Variants in PPP2R2B observed in about 807,000 individuals in gnomAD.
PPP2R2B encodes serine/threonine-protein phosphatase 2A 55 kDa regulatory subunit B beta isoform.
PPP2R2B carries 5 observed loss-of-function variants against 46.0 expected under a neutral mutation model. The observed-to-expected ratio is 0.11, with a 90% CI of 0.06 to 0.23. The LOEUF (loss-of-function observed/expected upper bound fraction) is 0.23, where lower values mean the gene tolerates loss of function less well. Ranked by LOEUF, PPP2R2B falls within the 10% of genes least tolerant of loss-of-function variation. The pLI, the probability that PPP2R2B is intolerant of heterozygous loss-of-function variation, is 1.00. For missense variants in PPP2R2B, 367 were observed against 575.0 expected, an observed-to-expected ratio of 0.64 and a Z score of 3.70; for synonymous variants, 215 against 206.7, an observed-to-expected ratio of 1.04 and a Z score of -0.34.
At chr5:147,051,806 A>AGGCT (rs1756839402) in intron 1 of PPP2R2B, among the ~76,000 whole-genome samples, 1 of 115,364 alleles carries the variant, frequency 8.7e-6, no homozygotes, top group Non-Finnish European at 1.6e-5. Context: ...TCTATCGCCC[A>AGGCT]GGCTGGAGTG....
At position 146,877,984 on chromosome 5, in the gene PPP2R2B, C is replaced by A. The variant is rs140457350; in HGVS notation, c.70+18G>T. On this transcript the variant is annotated intron_variant, in intron 2 of 9. Coordinates refer to ENST00000394411, the MANE Select transcript of PPP2R2B (RefSeq NM_181675.4). Reference sequence around the variant, plus strand: ...TGCGCCCGGCCCCAACGGCGGAATGCGGCGGGGCTGGCGTTACCTTCGGTC... The same window carrying A: ...TGCGCCCGGCCCCAACGGCGGAATGAGGCGGGGCTGGCGTTACCTTCGGTC... 5 of 1,604,318 alleles carry A rather than the reference C, an allele frequency of 3.1e-6. No individual in the cohort carries two copies. The highest frequency in any genetic ancestry group is 4.3e-6 in the Non-Finnish European group (5 of 1,173,788).
At chr5:146,619,702 C>A (rs567456104) in intron 7 of PPP2R2B, among the ~76,000 whole-genome samples, 71 of 152,320 alleles carry the variant, frequency 4.7e-4, no homozygotes, top group African/African-American at 1.7e-3. Context: ...TAACTCCCTG[C>A]AGTGATGATG....
intron 5 of PPP2R2B, among the ~76,000 whole-genome samples, chr5:146,682,821 G>A (rs546930528): frequency 2.3e-4 from 35 of 152,294 alleles, no homozygotes; most frequent in Admixed American, 4.6e-4. Context: ...CATCATGGAT[G>A]CTCATTCTAA....
intron 1 of PPP2R2B, among the ~76,000 whole-genome samples, chr5:147,001,015 G>A (rs996266430): frequency 1.3e-5 from 2 of 152,134 alleles, no homozygotes; most frequent in African/African-American, 2.4e-5. Flanking sequence ...AGCTGGCTGG[G>A]CTTCTGGGTC....
At chr5:147,066,786 T>C (rs972601848) in intron 2 of PPP2R2B, among the ~76,000 whole-genome samples, 1 of 151,950 alleles carries the variant, frequency 6.6e-6, no homozygotes, top group Non-Finnish European at 1.5e-5. Flanking sequence ...CCATGAGAAG[T>C]TGGGAAATGT....
chr5:147,079,371 ATAAT>A (rs1725692054), intron 2 of PPP2R2B, among the ~76,000 whole-genome samples: 1 of 147,834 alleles, frequency 6.8e-6, no homozygotes, highest in Admixed American at 6.8e-5. Flanking sequence ...ATATATATAT[ATAAT>A]ATGTGATATA....
At chr5:146,772,947 G>A (rs191808956) in intron 2 of PPP2R2B, among the ~76,000 whole-genome samples, 1 of 152,312 alleles carries the variant, frequency 6.6e-6, no homozygotes, top group East Asian at 1.9e-4. Flanking sequence ...TCCTCTGCCT[G>A]TAAAGGACAA....
chr5:146,718,404 G>A (rs1384962917), intron 2 of PPP2R2B, among the ~76,000 whole-genome samples: 2 of 151,542 alleles, frequency 1.3e-5, no homozygotes, highest in Non-Finnish European at 1.5e-5. Flanking sequence ...AAAAAAGTAC[G>A]GTTTCCTAGA....
intron 5 of PPP2R2B, among the ~76,000 whole-genome samples, chr5:146,677,148 A>G (rs571897006): frequency 1.3e-4 from 20 of 152,364 alleles, no homozygotes; most frequent in African/African-American, 4.6e-4. Flanking sequence ...TTAAAAATTC[A>G]AGCTTTCAGA....
chr5:146,839,015 C>T (rs1361597608), intron 2 of PPP2R2B, among the ~76,000 whole-genome samples: 1 of 152,180 alleles, frequency 6.6e-6, no homozygotes, highest in African/African-American at 2.4e-5. Flanking sequence ...ATAGGCTGAA[C>T]ACTAGAAAAT....
intron 2 of PPP2R2B, among the ~76,000 whole-genome samples, chr5:146,715,579 T>A (rs1780451513): frequency 6.6e-6 from 1 of 152,200 alleles, no homozygotes; most frequent in Non-Finnish European, 1.5e-5. Context: ...TTATATCACT[T>A]AATTGTCACT....
chr5:146,893,585 T>C (rs1454944372), intron 1 of PPP2R2B, among the ~76,000 whole-genome samples: 1 of 151,906 alleles, frequency 6.6e-6, no homozygotes, highest in Non-Finnish European at 1.5e-5. Context: ...TTTGGGAGGC[T>C]CAGGTGGGCG....
intron 2 of PPP2R2B, among the ~76,000 whole-genome samples, chr5:146,835,911 G>A (rs566063758): frequency 6.6e-6 from 1 of 152,216 alleles, no homozygotes; most frequent in African/African-American, 2.4e-5. Context: ...AATGAAGTGG[G>A]TTGGCATCCC....
At chr5:147,050,450 C>A (rs1301566355) in intron 1 of PPP2R2B, among the ~76,000 whole-genome samples, 1 of 151,884 alleles carries the variant, frequency 6.6e-6, no homozygotes, top group African/African-American at 2.4e-5. Flanking sequence ...GAATTTCAAA[C>A]ACATGAAAAA....
intron 1 of PPP2R2B, among the ~76,000 whole-genome samples, chr5:147,040,169 G>A (rs1421954236): frequency 6.6e-6 from 1 of 152,052 alleles, no homozygotes; most frequent in Non-Finnish European, 1.5e-5. Flanking sequence ...GGGTATCACT[G>A]GAAGCCTCAA....
chr5:146,835,579 T>A (rs1251916081), intron 2 of PPP2R2B, among the ~76,000 whole-genome samples: 1 of 152,136 alleles, frequency 6.6e-6, no homozygotes, highest in Non-Finnish European at 1.5e-5. Context: ...ATTAGAACAC[T>A]GCATAAAACC....
chr5:146,787,490 T>G (rs1755914128), intron 2 of PPP2R2B, among the ~76,000 whole-genome samples: 1 of 152,102 alleles, frequency 6.6e-6, no homozygotes, highest in East Asian at 1.9e-4. Context: ...GAGCTCTTCC[T>G]TCCTTTCCTC....
chr5:146,871,344 G>A (rs989239965), intron 2 of PPP2R2B, among the ~76,000 whole-genome samples: 8 of 152,178 alleles, frequency 5.3e-5, no homozygotes, highest in Admixed American at 6.5e-5. Context: ...GGAAGAGTGG[G>A]TGCCTAGATG....
chr5:146,836,888 T>C (rs945856004), intron 2 of PPP2R2B, among the ~76,000 whole-genome samples: 4 of 152,224 alleles, frequency 2.6e-5, no homozygotes, highest in Non-Finnish European at 5.9e-5. Flanking sequence ...GAAGATTATG[T>C]TCCTCTGAAG....
Sources: gnomAD v4.1 joint callset for allele counts (sites outside exome capture counted in the v4.1 genomes callset) on GRCh38, gnomAD v4.1.1 for gene constraint, MANE v1.5 for transcripts, NCBI Gene and HGNC (gene_info 2026-07-23, HGNC 2026-07-21) for gene names.